Variants in FAM120A observed in about 807,000 individuals in gnomAD.
FAM120A encodes the protein family with sequence similarity 120 member A.
FAM120A carries 15 observed loss-of-function variants against 109.7 expected under a neutral mutation model. The ratio of observed to expected loss-of-function variants is 0.14; its 90% CI spans 0.09 to 0.21. FAM120A has a LOEUF of 0.21. Ranked by LOEUF, FAM120A falls within the 10% of genes least tolerant of loss-of-function variation. FAM120A has a pLI of 1.00. For synonymous variants in FAM120A, 493 were observed against 572.8 expected (o/e 0.86, Z 1.99); for missense variants, 899 against 1,439.3 (o/e 0.62, Z 6.07).
Position 93,457,346 on chromosome 9 carries a change from A to G in FAM120A, c.474+4957A>G, listed in dbSNP as rs185250968. Among the ~76,000 whole-genome samples, 94 of 151,888 alleles carry G rather than the reference A, an allele frequency of 6.2e-4. 3 individuals are homozygous for G. The East Asian group carries it at 0.017, about 27-fold the overall frequency. On this transcript the variant is annotated intron_variant, in intron 1 of 17. Transcript: ENST00000277165. ...TTTCCACAGTGGCTGTGTAGGCCATATATTTTATGTCATAAGTTATATAAT... is the reference window on the plus strand; with the variant it reads ...TTTCCACAGTGGCTGTGTAGGCCATGTATTTTATGTCATAAGTTATATAAT...
At chr9:93,561,529 G>A (rs2131575128) in intron 16 of FAM120A, among the ~76,000 whole-genome samples, 1 of 152,150 alleles carries the variant, frequency 6.6e-6, no homozygotes, top group South Asian at 2.1e-4. Context: ...TGAGTAGCTG[G>A]GACCACAGTC....
chr9:93,477,070 G>A (rs1376653232), intron 3 of FAM120A, among the ~76,000 whole-genome samples: 1 of 152,136 alleles, frequency 6.6e-6, no homozygotes, highest in African/African-American at 2.4e-5. Context: ...AGGAAGATGG[G>A]GACCTAGACT....
At chr9:93,494,377 C>G (rs1327539193) in intron 3 of FAM120A, among the ~76,000 whole-genome samples, 3 of 152,212 alleles carry the variant, frequency 2.0e-5, no homozygotes, top group Non-Finnish European at 4.4e-5. Context: ...ACCACCATAT[C>G]CTACTTCCCT....
intron 17 of FAM120A, 69 bp downstream of exon 17, chr9:93,562,373 T>G: frequency 8.5e-7 from 1 of 1,174,092 alleles, no homozygotes; most frequent in East Asian, 2.4e-5. Flanking sequence ...GAGCTTGCAC[T>G]TCTAGTACCT....
rs546720926 is a variant in FAM120A, at chr9:93,549,076, A to C, written c.2160-1501A>C. Among the ~76,000 whole-genome samples the C allele has an allele frequency of 7.9e-5, 12 of 152,188 alleles. No individual in the cohort carries two copies. In the South Asian group the frequency reaches 1.2e-3, roughly 16 times the overall value. Reference sequence around the variant, plus strand: ...CAAAACAAAAACAAACCAAAAAAAAACCAAACCTCAGTAAGACCATTGTAT... The same window carrying C: ...CAAAACAAAAACAAACCAAAAAAAACCCAAACCTCAGTAAGACCATTGTAT... On this transcript the variant is annotated intron_variant, in intron 11 of 17. Transcript: ENST00000277165.
chr9:93,515,006 A>C (rs1860505275), intron 5 of FAM120A, among the ~76,000 whole-genome samples: 1 of 152,246 alleles, frequency 6.6e-6, no homozygotes, highest in East Asian at 1.9e-4. Flanking sequence ...TAGCGTGGGA[A>C]TGATGACTAG....
intron 3 of FAM120A, among the ~76,000 whole-genome samples, chr9:93,492,844 G>T (rs905163641): frequency 6.6e-6 from 1 of 152,214 alleles, no homozygotes; most frequent in African/African-American, 2.4e-5. Context: ...GTAGGGCTGG[G>T]GATAGTGATG....
rs1862605156 is a variant in FAM120A at position 93,565,567 on chromosome 9, T to C, written c.*1027T>C. 6.6e-6 allele frequency: 1 copy of C among 152,372 alleles called. No individual in the cohort carries two copies. Among genetic ancestry groups the C allele is most frequent in the African/African-American group, 2.4e-5 (1 of 41,432 alleles). 9.4% of individuals were successfully genotyped at this position (152,372 alleles called of 1,614,324 possible). ...TTATTCTAAAGCCCCCCAAAAATTA[T>C]CTAGCCGTTTCGAATATCAACATTA... is the stretch of plus-strand genomic sequence containing the variant. On this transcript the variant is annotated 3_prime_UTR_variant, in exon 18 of 18. Coordinates refer to ENST00000277165, the MANE Select transcript of FAM120A (RefSeq NM_014612.5).
intron 7 of FAM120A, among the ~76,000 whole-genome samples, chr9:93,524,600 G>A (rs193055145): frequency 2.6e-5 from 4 of 152,304 alleles, no homozygotes; most frequent in Non-Finnish European, 5.9e-5. Flanking sequence ...TGTTGCTTGT[G>A]TGCTGCATTC....
At chr9:93,538,661 G>T (rs1861600875) in intron 10 of FAM120A, among the ~76,000 whole-genome samples, 1 of 152,200 alleles carries the variant, frequency 6.6e-6, no homozygotes, top group Non-Finnish European at 1.5e-5. Flanking sequence ...TAATGGTCAA[G>T]CTGTGGCACT....
chr9:93,516,835 A>G (rs1252178498), intron 7 of FAM120A, among the ~76,000 whole-genome samples: 2 of 152,226 alleles, frequency 1.3e-5, no homozygotes, highest in Non-Finnish European at 2.9e-5. Context: ...TCACAAATAC[A>G]TAGTTGGTTA....
At chr9:93,560,977 T>C in intron 15 of FAM120A, 132 bp from the exon 16 acceptor site, 1 of 975,646 alleles carries the variant, frequency 1.0e-6, no homozygotes, top group Non-Finnish European at 1.5e-6. Context: ...TAAAAAATTG[T>C]ACAAAACAGG....
At chr9:93,473,103 C>T (rs1196540825) in intron 2 of FAM120A, among the ~76,000 whole-genome samples, 1 of 151,996 alleles carries the variant, frequency 6.6e-6, no homozygotes, top group African/African-American at 2.4e-5. Flanking sequence ...CTGCAACCTC[C>T]ACCTGCATGG....
At chr9:93,479,899 G>A (rs114656655) in intron 3 of FAM120A, among the ~76,000 whole-genome samples, 1,780 of 152,266 alleles carry the variant, frequency 0.012, 35 homozygotes, top group African/African-American at 0.041. Context: ...AGAATAGCAC[G>A]TCTGCTTTGG....
chr9:93,507,514 T>C (rs190421177), intron 5 of FAM120A, among the ~76,000 whole-genome samples: 1 of 151,862 alleles, frequency 6.6e-6, no homozygotes, highest in Non-Finnish European at 1.5e-5. Flanking sequence ...TAAGCTGGAG[T>C]CATGGGTTGC....
intron 3 of FAM120A, among the ~76,000 whole-genome samples, chr9:93,491,977 G>A (rs1027173631): frequency 3.9e-5 from 6 of 152,138 alleles, no homozygotes; most frequent in Admixed American, 2.6e-4. Context: ...ATAGGCAAGG[G>A]CAAATTACTT....
chr9:93,494,046 C>T (rs147234952), intron 3 of FAM120A, among the ~76,000 whole-genome samples: 3 of 152,284 alleles, frequency 2.0e-5, no homozygotes, highest in East Asian at 1.9e-4. Context: ...AGTCTCTGAT[C>T]GAGGTCCAGG....
intron 1 of FAM120A, among the ~76,000 whole-genome samples, chr9:93,470,201 C>G (rs1043162399): frequency 1.3e-5 from 2 of 152,160 alleles, no homozygotes; most frequent in African/African-American, 2.4e-5. Flanking sequence ...ATTCTGTTCT[C>G]AAAATTACCT....
In FAM120A at chr9:93,564,238, C is replaced by T. The variant is rs1368155943; in HGVS notation, c.3055C>T (p.Pro1019Ser). ...KNQAAIQGRP[P>S]YAASAEEVAK... ...CCTTCATTTTAAACAGGGCAGACCT[C>T]CTTATGCTGCTTCAGCAGAAGAAGT... is the stretch of plus-strand genomic sequence containing the variant. The change falls in exon 18 of 18, where the codon CCT becomes TCT. Residue 1019 changes from proline (P) to serine (S), a missense_variant. By Grantham distance (74) the Pro-to-Ser change is moderately conservative. Transcript: ENST00000277165. 2 of 1,611,826 alleles carry T rather than the reference C, an allele frequency of 1.2e-6. No homozygotes were observed. Among genetic ancestry groups the T allele is most frequent in the South Asian group, 1.1e-5 (1 of 91,044 alleles).
Sources: gnomAD v4.1 joint callset for allele counts (sites outside exome capture counted in the v4.1 genomes callset) on GRCh38, gnomAD v4.1.1 for gene constraint, MANE v1.5 for transcripts, NCBI Gene and HGNC (gene_info 2026-07-23, HGNC 2026-07-21) for gene names.